Variants in TAF1B observed in about 807,000 individuals in gnomAD.
TAF1B encodes the protein TATA-box binding protein associated factor, RNA polymerase I subunit B, also known as TATA box-binding protein-associated factor RNA polymerase I subunit B.
Under a neutral mutation model 83.9 loss-of-function variants are expected in TAF1B, and 61 were observed. The ratio of observed to expected loss-of-function variants is 0.73; its 90% CI spans 0.59 to 0.90. The LOEUF is 0.90. TAF1B is among the 40% of genes least tolerant of loss of function. The pLI is 0.00. For synonymous variants in TAF1B, 221 were observed against 224.6 expected, an observed-to-expected ratio of 0.98 and a Z score of 0.14; for missense variants, 625 against 677.0, an observed-to-expected ratio of 0.92 and a Z score of 0.85.
At chr2:9,895,576 A>C (rs1312565212) in intron 8 of TAF1B, among the ~76,000 whole-genome samples, 1 of 152,246 alleles carries the variant, frequency 6.6e-6, no homozygotes, top group Non-Finnish European at 1.5e-5. Context: ...CAGATTAAAA[A>C]TGCAAGGTGA....
At chr2:9,872,522 C>A (rs1375418645) in intron 6 of TAF1B, among the ~76,000 whole-genome samples, 2 of 152,104 alleles carry the variant, frequency 1.3e-5, no homozygotes, top group African/African-American at 4.8e-5. Flanking sequence ...TCTAGCTTTC[C>A]CAGGACTGCT....
chr2:9,864,556 A>T (rs558067652), intron 5 of TAF1B, among the ~76,000 whole-genome samples: 1 of 152,350 alleles, frequency 6.6e-6, no homozygotes, highest in South Asian at 2.1e-4. Context: ...TCCAATCAGT[A>T]GAAAAAGAGG....
chr2:9,851,819 A>G lies in TAF1B; in HGVS notation c.303+181A>G, dbSNP rs1287928776. 1.7e-5 allele frequency: 11 copies of G among 649,078 alleles called. No homozygotes were observed. In the Admixed American group the frequency reaches 2.2e-4, roughly 13 times the overall value. 40.2% of individuals were successfully genotyped at this position (649,078 alleles called of 1,614,324 possible). A position where few individuals can be genotyped will look rare whatever the true frequency, so the allele number is the denominator to read the frequency against. ...CAGTTCTGGAAGTGTGTTCTACAGG[A>G]TGTAAATAAGCAATACATCCAAAAG... On this transcript the variant is annotated intron_variant, in intron 4 of 14. Transcript: ENST00000263663.
chr2:9,870,625 T>G (rs549369101), intron 6 of TAF1B, among the ~76,000 whole-genome samples: 3 of 152,356 alleles, frequency 2.0e-5, no homozygotes, highest in African/African-American at 7.2e-5. Context: ...TTTGGGACAT[T>G]AGCTATTCAA....
chr2:9,876,498 G>A (rs4669476), intron 7 of TAF1B, among the ~76,000 whole-genome samples: 36,905 of 152,034 alleles, frequency 0.24, 5,031 homozygotes, highest in East Asian at 0.31. Context: ...GATAGTAAGC[G>A]TTTATATTTT....
At chr2:9,899,652 A>G (rs1351573706) in intron 8 of TAF1B, among the ~76,000 whole-genome samples, 2 of 134,864 alleles carry the variant, frequency 1.5e-5, no homozygotes, top group Non-Finnish European at 1.6e-5. Context: ...GACAACCACA[A>G]TATATTTTTG....
At chr2:9,899,969 G>A (rs451045) in intron 8 of TAF1B, among the ~76,000 whole-genome samples, 42,487 of 152,052 alleles carry the variant, frequency 0.28, 6,919 homozygotes, top group Middle Eastern at 0.4. Context: ...CATGATATGT[G>A]TATCTAACAT....
chr2:9,871,647 T>G (rs1034270639), intron 6 of TAF1B, among the ~76,000 whole-genome samples: 7 of 152,214 alleles, frequency 4.6e-5, no homozygotes, highest in African/African-American at 1.7e-4. Flanking sequence ...ATAAAAGGCT[T>G]TGTTTCCGTG....
chr2:9,882,760 A>G lies in TAF1B; in HGVS notation c.762A>G (p.Glu254=). The G allele has an allele frequency of 1.2e-6, 2 of 1,611,838 alleles. No individual in the cohort carries two copies. The highest frequency in any genetic ancestry group is 1.7e-6 in the Non-Finnish European group (2 of 1,178,974). ...PYINAFQHFP[E]QMKLYGRDRG... is the part of the protein sequence containing the mutation. ...TAAATGCTTTTCAGCATTTTCCAGA[A>G]CAGATGAAATTATATGGACGTGACA... The change falls in exon 8 of 15, where the codon GAA becomes GAG. Residue 254 remains glutamate (E), a synonymous_variant. Transcript: ENST00000263663.
chr2:9,868,678 G>A (rs1664072637), intron 6 of TAF1B: 1 of 626,750 alleles, frequency 1.6e-6, no homozygotes, highest in Non-Finnish European at 3.0e-6. Flanking sequence ...TAAAGTTCAA[G>A]TGGATCCAGA....
At chr2:9,887,210 T>C (rs539034567) in intron 8 of TAF1B, among the ~76,000 whole-genome samples, 11 of 151,720 alleles carry the variant, frequency 7.3e-5, no homozygotes, top group East Asian at 1.9e-4. Flanking sequence ...CTAAACTGTT[T>C]CCTTCCTCTT....
intron 8 of TAF1B, among the ~76,000 whole-genome samples, chr2:9,883,026 A>G (rs1224334499): frequency 3.9e-5 from 6 of 152,130 alleles, no homozygotes; most frequent in Non-Finnish European, 8.8e-5. Context: ...CTGTAGTGTG[A>G]TGTGTGTGCA....
chr2:9,912,663 A>C (rs986958520), intron 11 of TAF1B, among the ~76,000 whole-genome samples: 3 of 152,202 alleles, frequency 2.0e-5, no homozygotes, highest in African/African-American at 7.2e-5. Context: ...GGCAAAGATC[A>C]CTGTCATTTC....
intron 4 of TAF1B, among the ~76,000 whole-genome samples, chr2:9,852,867 T>C (rs904514996): frequency 6.6e-6 from 1 of 152,194 alleles, no homozygotes; most frequent in African/African-American, 2.4e-5. Context: ...GAAAGATTTG[T>C]AGAGGAGCCT....
chr2:9,918,031 C>G (rs1450875765), intron 12 of TAF1B, among the ~76,000 whole-genome samples: 1 of 150,026 alleles, frequency 6.7e-6, no homozygotes, highest in African/African-American at 2.5e-5. Context: ...GAGATCCCAC[C>G]ACTGCACTCC....
intron 2 of TAF1B, chr2:9,846,056 G>A (rs1173014198): frequency 2.1e-6 from 1 of 471,040 alleles, no homozygotes; most frequent in Non-Finnish European, 4.4e-6. Context: ...CCTTTGTATA[G>A]TACCTTACAG....
chr2:9,853,828 C>T (rs1038980838), intron 4 of TAF1B, among the ~76,000 whole-genome samples: 1 of 151,992 alleles, frequency 6.6e-6, no homozygotes, highest in African/African-American at 2.4e-5. Context: ...CAGCTTTGCC[C>T]CTAACTAAAA....
At chr2:9,906,465 A>G (rs1316649857) in intron 9 of TAF1B, among the ~76,000 whole-genome samples, 1 of 152,238 alleles carries the variant, frequency 6.6e-6, no homozygotes, top group African/African-American at 2.4e-5. Flanking sequence ...AAATATAGAA[A>G]AAAATTACCC....
chr2:9,850,664 G>A (rs1260710579), intron 3 of TAF1B, among the ~76,000 whole-genome samples: 2 of 152,166 alleles, frequency 1.3e-5, no homozygotes, highest in Non-Finnish European at 2.9e-5. Context: ...GAAGCTCTGT[G>A]TAAAAAGTAC....
Sources: gnomAD v4.1 joint callset for allele counts (sites outside exome capture counted in the v4.1 genomes callset) on GRCh38, gnomAD v4.1.1 for gene constraint, MANE v1.5 for transcripts, NCBI Gene and HGNC (gene_info 2026-07-23, HGNC 2026-07-21) for gene names.